GCN1: variants seen among roughly 807,000 people sequenced by gnomAD.
GCN1 encodes GCN1 activator of EIF2AK4.
A neutral mutation model predicts 288.4 loss-of-function variants in GCN1; 90 were observed. The observed-to-expected ratio is 0.31, with a 90% CI of 0.26 to 0.37. The LOEUF is 0.37. Ranked by LOEUF, GCN1 falls within the 10% of genes least tolerant of loss-of-function variation. The pLI is 1.00. For missense variants in GCN1, 2,586 were observed against 3,419.9 expected (o/e 0.76, Z 6.08); for synonymous variants, 1,386 against 1,420.2 (o/e 0.98, Z 0.54).
Position 120,162,903 on chromosome 12 carries a change from T to C in GCN1, c.2107A>G (p.Thr703Ala), listed in dbSNP as rs776696460. The change falls in exon 20 of 58, where the codon ACC (threonine) becomes GCC (alanine). Residue 703 changes from threonine (T) to alanine (A), a missense_variant. By Grantham distance (58) the Thr-to-Ala change is moderately conservative. Around this residue, in one of 8 missense-constraint regions of GCN1, gnomAD observed 913 missense variants for 1,107.0 expected, o/e 0.82. Transcript: ENST00000300648. ...GGAATGATCTGATCCAGGTGCCTGGTGATAAAGGCTTCAGGATCGATCTTC... is the reference window on the plus strand; with the variant it reads ...GGAATGATCTGATCCAGGTGCCTGGCGATAAAGGCTTCAGGATCGATCTTC... ...RMKIDPEAFI[T>A]RHLDQIIPRM... The C allele has an allele frequency of 2.5e-6, 4 of 1,614,150 alleles. No individual in the cohort carries two copies. The highest frequency in any genetic ancestry group is 1.1e-5 in the South Asian group (1 of 91,088).
intron 26 of GCN1, among the ~76,000 whole-genome samples, chr12:120,157,580 G>C (rs1489577367): frequency 6.6e-6 from 1 of 152,252 alleles, no homozygotes; most frequent in Admixed American, 6.5e-5. Context: ...TACATCCATA[G>C]CACAGAATCT....
In GCN1 at chr12:120,168,124, T is replaced by C. The variant is rs1350035946; in HGVS notation, c.1612+84A>G. 1.1e-5 allele frequency: 9 copies of C among 847,620 alleles called. No homozygotes were observed. The East Asian group carries it at 1.2e-4, about 11-fold the overall frequency. The allele number at this position is 847,620 out of a possible 1,614,324, so 52.5% of individuals were successfully genotyped here. On this transcript the variant is annotated intron_variant, in intron 16 of 57. Coordinates refer to ENST00000300648, the MANE Select transcript of GCN1 (RefSeq NM_006836.2). ...CCCAGGTTTTTGCAGACCTGACTGG[T>C]TGGTCAAGAAAGGGTCCTCTCTGAA...
In GCN1 at chr12:120,160,186, C is replaced by T. The variant is rs1263831042; in HGVS notation, c.2506G>A (p.Ala836Thr). The T allele has an allele frequency of 1.2e-6, 2 of 1,612,270 alleles. No individual in the cohort carries two copies. The highest frequency in any genetic ancestry group is 2.2e-5 in the South Asian group (2 of 91,082). ...ACCTGCGCCTCCCTGTCTAGCTGGGCCTGCAGCATCTCCTTCTGCTTGCTG... is the reference window on the plus strand; with the variant it reads ...ACCTGCGCCTCCCTGTCTAGCTGGGTCTGCAGCATCTCCTTCTGCTTGCTG... ...LTSKQKEMLQ[A>T]QLDREAQVRR... The change falls in exon 23 of 58, where the codon GCC becomes ACC. Residue 836 changes from alanine to threonine, a missense_variant. Physicochemically the swap from Ala to Thr is moderately conservative, Grantham distance 58 (BLOSUM62 0). Coordinates refer to ENST00000300648, the MANE Select transcript of GCN1 (RefSeq NM_006836.2).
intron 33 of GCN1, among the ~76,000 whole-genome samples, chr12:120,152,916 A>G (rs181509742): frequency 2.6e-5 from 4 of 152,196 alleles, no homozygotes; most frequent in Admixed American, 1.3e-4. Flanking sequence ...GTCTATTAGA[A>G]CAAAGTAACA....
At chr12:120,131,503 A>G (rs1461781486) in intron 54 of GCN1, among the ~76,000 whole-genome samples, 170 bp from the exon 55 acceptor site, 3 of 152,258 alleles carry the variant, frequency 2.0e-5, no homozygotes, top group Non-Finnish European at 4.4e-5. Context: ...GAAGCTCCCC[A>G]AAGTGGCACA....
chr12:120,163,792 A>G lies in GCN1; in HGVS notation c.1849-533T>C, dbSNP rs182483434. 4.1e-3 allele frequency among the ~76,000 whole-genome samples: 624 copies of G among 152,354 alleles called. 12 individuals are homozygous for G. The highest frequency in any genetic ancestry group is 3.1e-3 in the Non-Finnish European group (209 of 68,034). ...GGGTAGAAAATGCTTTAAAAAGTAC[A>G]AAGTGCTTTAAAAACATAAAGTGTT... On this transcript the variant is annotated intron_variant, in intron 18 of 57. Transcript: ENST00000300648.
In GCN1 at chr12:120,144,421, G is replaced by A. The variant is rs1459990599; in HGVS notation, c.5380C>T (p.Arg1794Cys). 9 of 1,614,094 alleles carry A rather than the reference G, an allele frequency of 5.6e-6. No individual in the cohort carries two copies. Among genetic ancestry groups the A allele is most frequent in the South Asian group, 1.1e-5 (1 of 91,082 alleles). ...KALADENEFV[R>C]DTALRAGQRV... is the part of the protein sequence containing the mutation. The stretch of plus-strand genomic sequence containing the variant: ...TGGCCCGCGCGCAGGGCGGTGTCAC[G>A]CACAAACTCATTCTCATCAGCAAGA... The change falls in exon 42 of 58, where the codon CGT becomes TGT. Residue 1794 changes from arginine to cysteine, a missense_variant. Coordinates refer to ENST00000300648, the MANE Select transcript of GCN1 (RefSeq NM_006836.2). The surrounding 1 kb of genome is among the most constrained non-coding windows in gnomAD (Gnocchi z 4.7).
At chr12:120,176,045 T>A in intron 10 of GCN1, 98 bp downstream of exon 10, 1 of 1,238,046 alleles carries the variant, frequency 8.1e-7, no homozygotes, top group Non-Finnish European at 1.2e-6. Context: ...GCCTTATTAC[T>A]ACCCTGAGCT....
chr12:120,156,835 C>T lies in GCN1; in HGVS notation c.3168+77G>A. The T allele has an allele frequency of 2.8e-6, 3 of 1,085,254 alleles. No homozygotes were observed. The highest frequency in any genetic ancestry group is 4.3e-6 in the Non-Finnish European group (3 of 698,162). 67.2% of individuals were successfully genotyped at this position (1,085,254 alleles called of 1,614,324 possible). ...AGTAAGGGCTGAAAGGAAACTAGGACTCCACCCTTTACACTGGGACTTGAG... is the reference window on the plus strand; with the variant it reads ...AGTAAGGGCTGAAAGGAAACTAGGATTCCACCCTTTACACTGGGACTTGAG... On this transcript the variant is annotated intron_variant, in intron 27 of 57. Coordinates refer to ENST00000300648, the MANE Select transcript of GCN1 (RefSeq NM_006836.2). The surrounding 1 kb of genome is among the most constrained non-coding windows in gnomAD (Gnocchi z 5.8).
At chr12:120,179,271 G>A (rs190420216) in intron 5 of GCN1, among the ~76,000 whole-genome samples, 43 of 150,962 alleles carry the variant, frequency 2.8e-4, no homozygotes, top group Non-Finnish European at 5.2e-4. Context: ...TCGCTCTGTC[G>A]CCAGGCTGGA....
chr12:120,141,098 G>A (rs962239534), intron 44 of GCN1, 75 bp from the exon 45 acceptor site: 49 of 1,313,688 alleles, frequency 3.7e-5, no homozygotes, highest in Non-Finnish European at 4.7e-5. Context: ...TCCAGAATGA[G>A]GGCCCTGAAA....
rs1290672319 is a variant in GCN1 at position 120,137,908 on chromosome 12, T to C, written c.6386A>G (p.Glu2129Gly). 1.9e-6 allele frequency: 3 copies of C among 1,613,960 alleles called. No homozygotes were observed. Among genetic ancestry groups the C allele is most frequent in the African/African-American group, 1.3e-5 (1 of 74,896 alleles). Reference sequence around the variant, plus strand: ...AGCAGGCTCGCCCCTTACCAGCTGCTCATCTGGGGTCCCAAGCTTTTCCTT... The same window carrying C: ...AGCAGGCTCGCCCCTTACCAGCTGCCCATCTGGGGTCCCAAGCTTTTCCTT... Reference protein sequence around the residue: ...ALKEKLGTPDEQLEMANCQAV... With the variant: ...ALKEKLGTPDGQLEMANCQAV... The change falls in exon 48 of 58, where the codon GAG (glutamate) becomes GGG (glycine). Residue 2129 changes from glutamate (E) to glycine (G), a missense_variant. By Grantham distance (98) the Glu-to-Gly change is moderately conservative (BLOSUM62 -2). Around this residue, in one of 8 missense-constraint regions of GCN1, gnomAD observed 437 missense variants for 570.5 expected, o/e 0.77. Coordinates refer to ENST00000300648, the MANE Select transcript of GCN1 (RefSeq NM_006836.2). This position sits in a 1 kb window ranked among gnomAD's most constrained non-coding sequence, Gnocchi z 5.2.
chr12:120,155,838 A>G lies in GCN1; in HGVS notation c.3313-119T>C. 1 of 889,634 alleles carries G rather than the reference A, an allele frequency of 1.1e-6. No homozygotes were observed. The highest frequency in any genetic ancestry group is 1.7e-5 in the African/African-American group (1 of 60,246). The allele number at this position is 889,634 out of a possible 1,614,324, so 55.1% of individuals were successfully genotyped here. A position where few individuals can be genotyped will look rare whatever the true frequency, so the allele number is the denominator to read the frequency against. On this transcript the variant is annotated intron_variant, in intron 28 of 57. Coordinates refer to ENST00000300648, the MANE Select transcript of GCN1 (RefSeq NM_006836.2). The surrounding 1 kb of genome is among the most constrained non-coding windows in gnomAD (Gnocchi z 4.9). ...ATGTAGCCACTAACCGCATGTGGCT[A>G]AAGTTAAATCAATTAAAATTAACTC...
At position 120,156,927 on chromosome 12, in the gene GCN1, G is replaced by A. The variant is rs764391620; in HGVS notation, c.3153C>T (p.Gly1051=). Residue 1051 remains glycine, a synonymous_variant, in exon 27 of 58, where the codon GGC becomes GGT. Coordinates refer to ENST00000300648, the MANE Select transcript of GCN1 (RefSeq NM_006836.2). This position sits in a 1 kb window ranked among gnomAD's most constrained non-coding sequence, Gnocchi z 5.8. ...ACCACATCACCTGTAAGCGAGGCGA[G>A]CCCGTCCCGATCACCCAAGTCAGAA... The part of the protein sequence containing the change: ...LRLLTWVIGT[G]SPRLQVLASD... 2 of 1,610,644 alleles carry A rather than the reference G, an allele frequency of 1.2e-6. No homozygotes were observed.
rs969678020 is a variant in GCN1 at position 120,161,495 on chromosome 12, T to C, written c.2431A>G (p.Lys811Glu). Residue 811 changes from lysine (K) to glutamate (E), a missense_variant, in exon 22 of 58, where the codon AAG (lysine) becomes GAG (glutamate). Lys to Glu is a moderately conservative substitution (Grantham distance 56). This residue lies in a region of GCN1 where 913 missense variants were observed against 1,107.0 expected (regional missense o/e 0.82). Coordinates refer to ENST00000300648, the MANE Select transcript of GCN1 (RefSeq NM_006836.2). ...AAGTGCCTCCGTGTACTCACCTCCT[T>C]CAGCTCCAGCTCGATGATCTGCTCT... ...FKEQIIELEL[K>E]EEIKKKKGIK... is the part of the protein sequence containing the mutation. 18 of 1,611,724 alleles carry C rather than the reference T, an allele frequency of 1.1e-5. No homozygotes were observed. Among genetic ancestry groups the C allele is most frequent in the African/African-American group, 1.3e-5 (1 of 74,880 alleles).
In GCN1 at chr12:120,142,956, A is replaced by G; in HGVS notation, c.5496-15T>C. 2.7e-6 allele frequency: 4 copies of G among 1,484,176 alleles called. No individual in the cohort carries two copies. The highest frequency in any genetic ancestry group is 3.8e-6 in the Non-Finnish European group (4 of 1,061,552). The allele number at this position is 1,484,176 out of a possible 1,614,324, so 91.9% of individuals were successfully genotyped here. A position where few individuals can be genotyped will look rare whatever the true frequency, so the allele number is the denominator to read the frequency against. ...CAGAGCTGAACCTGAGAAGGAGGCCAACAACACAGTCACACAGCTGCAAGG... is the reference window on the plus strand; with the variant it reads ...CAGAGCTGAACCTGAGAAGGAGGCCGACAACACAGTCACACAGCTGCAAGG... On this transcript the variant is annotated splice_polypyrimidine_tract_variant and intron_variant, in intron 42 of 57. Coordinates refer to ENST00000300648, the MANE Select transcript of GCN1 (RefSeq NM_006836.2). The surrounding 1 kb of genome is among the most constrained non-coding windows in gnomAD (Gnocchi z 4.9).
At position 120,173,777 on chromosome 12, in the gene GCN1, A is replaced by G. The variant is rs1291719144; in HGVS notation, c.1242T>C (p.Cys414=). The G allele has an allele frequency of 2.5e-6, 4 of 1,613,940 alleles. No homozygotes were observed. The highest frequency in any genetic ancestry group is 3.4e-6 in the Non-Finnish European group (4 of 1,179,798). ...TGGGCACTTCCATAGTGAATCGGTT[A>G]CACCAGAGAGCCAGGACTGAGACAG... is the stretch of plus-strand genomic sequence containing the variant. ...VHAVSVLALW[C]NRFTMEVPKK... Residue 414 remains cysteine, a synonymous_variant, in exon 14 of 58, where the codon TGT becomes TGC. Coordinates refer to ENST00000300648, the MANE Select transcript of GCN1 (RefSeq NM_006836.2).
rs1876948708 is a variant in GCN1 at position 120,134,894 on chromosome 12, C to T, written c.7009-168G>A. ...AGAGAGGCCAAACACAGACAGGTTT[C>T]GCTTGGCCTCCTGGTCATATCCAGC... On this transcript the variant is annotated intron_variant, in intron 51 of 57. Transcript: ENST00000300648. The surrounding 1 kb of genome is among the most constrained non-coding windows in gnomAD (Gnocchi z 5.0). Among the ~76,000 whole-genome samples the T allele has an allele frequency of 6.6e-6, 1 of 152,210 alleles. No individual in the cohort carries two copies. Among genetic ancestry groups the T allele is most frequent in the African/African-American group, 2.4e-5 (1 of 41,458 alleles).
At position 120,190,370 on chromosome 12, in the gene GCN1, T is replaced by G; in HGVS notation, c.49A>C (p.Lys17Gln). Reference protein sequence around the residue: ...VSETLKRFAGKVTTASVKERR... With the variant: ...VSETLKRFAGQVTTASVKERR... ...TCCTTTACACTGGCTGTTGTCACCT[T>G]CCCTGCAAAACGCTTTAGTGTCTCG... Residue 17 changes from lysine to glutamine, a missense_variant, in exon 2 of 58, where the codon AAG becomes CAG. This residue lies in a region of GCN1 where 913 missense variants were observed against 1,107.0 expected (regional missense o/e 0.82). Transcript: ENST00000300648. The G allele has an allele frequency of 6.2e-7, 1 of 1,609,150 alleles. No individual in the cohort carries two copies. Among genetic ancestry groups the G allele is most frequent in the Non-Finnish European group, 8.5e-7 (1 of 1,175,558 alleles).
Sources: allele counts gnomAD v4.1 joint callset (sites outside exome capture counted in the v4.1 genomes callset), GRCh38; gene constraint gnomAD v4.1.1; regional missense constraint gnomAD v4.1.1; non-coding constraint Gnocchi (gnomAD v3.1); transcripts MANE v1.5; gene names NCBI Gene and HGNC (gene_info 2026-07-23, HGNC 2026-07-21).